Variants in COL11A1 observed in about 807,000 individuals in gnomAD.
COL11A1 encodes collagen type XI alpha 1 chain, also known as collagen alpha-1(XI) chain.
COL11A1 carries 74 observed loss-of-function variants against 265.2 expected under a neutral mutation model. The observed-to-expected ratio is 0.28, with a 90% confidence interval of 0.23 to 0.34. The LOEUF is 0.34. COL11A1 is among the 10% of genes least tolerant of loss of function. COL11A1 has a pLI of 1.00. For synonymous variants in COL11A1, 816 were observed against 727.6 expected (o/e 1.12, Z -1.96); for missense variants, 2,165 against 2,263.6 (o/e 0.96, Z 0.88).
In COL11A1 at chr1:103,006,100, C is replaced by G. The variant is rs747591719; in HGVS notation, c.1759G>C (p.Gly587Arg). 1 of 1,613,932 alleles carries G rather than the reference C, an allele frequency of 6.2e-7. No homozygotes were observed. The highest frequency in any genetic ancestry group is 1.1e-5 in the South Asian group (1 of 91,076). Reference protein sequence around the residue: ...GKRGRPGADGGRGMPGEPGAK... With the variant: ...GKRGRPGADGRRGMPGEPGAK... ...CCAGGTTCTCCTGGCATTCCTCTTC[C>G]TCCATCTGCACCTGGACGACCCTAA... Residue 587 changes from glycine (G) to arginine (R), a missense_variant, in exon 17 of 67, where the codon GGA becomes CGA. Gly to Arg is a moderately radical substitution (Grantham distance 125). Transcript: ENST00000370096.
At chr1:103,015,577 G>T (rs888603962) in intron 12 of COL11A1, 91 bp downstream of exon 12, 30 of 978,066 alleles carry the variant, frequency 3.1e-5, no homozygotes, top group Non-Finnish European at 4.2e-5. Flanking sequence ...ATGGTTTTTA[G>T]TTGATTGCTC....
At chr1:102,997,587 T>C (rs901313737) in intron 25 of COL11A1, among the ~76,000 whole-genome samples, 1 of 151,924 alleles carries the variant, frequency 6.6e-6, no homozygotes, top group South Asian at 2.1e-4. Flanking sequence ...AATCAACTTA[T>C]TGAGATTCAG....
chr1:102,880,121 A>C (rs1226891173), intron 65 of COL11A1: 2 of 552,892 alleles, frequency 3.6e-6, no homozygotes, highest in Non-Finnish European at 6.4e-6. Flanking sequence ...CACCTAAGTT[A>C]CTGTAGCCAC....
At chr1:103,073,655 A>G (rs1324870646) in intron 4 of COL11A1, among the ~76,000 whole-genome samples, 1 of 151,904 alleles carries the variant, frequency 6.6e-6, no homozygotes, top group East Asian at 1.9e-4. Context: ...AACTTTCACA[A>G]ATGTTTATTA....
intron 4 of COL11A1, among the ~76,000 whole-genome samples, chr1:103,044,509 G>A (rs929596769): frequency 6.6e-6 from 1 of 151,918 alleles, no homozygotes; most frequent in Non-Finnish European, 1.5e-5. Flanking sequence ...AAAACACTAT[G>A]AAAAAACTGT....
At chr1:102,949,221 T>C (rs1659628824) in intron 41 of COL11A1, among the ~76,000 whole-genome samples, 1 of 150,214 alleles carries the variant, frequency 6.7e-6, no homozygotes. Context: ...AACACTGATT[T>C]ATTGAGGATC....
chr1:103,042,697 C>T (rs1376741501), intron 4 of COL11A1, among the ~76,000 whole-genome samples: 2 of 152,060 alleles, frequency 1.3e-5, no homozygotes, highest in East Asian at 3.9e-4. Flanking sequence ...TACAGAACTA[C>T]AGCTCCTCAC....
At chr1:102,946,708 A>G (rs569129741) in intron 42 of COL11A1, 141 bp downstream of exon 42, 50 of 712,364 alleles carry the variant, frequency 7.0e-5, no homozygotes, top group Non-Finnish European at 1.0e-4. Flanking sequence ...TCTATTATAC[A>G]TATACGAGCC....
Position 102,967,334 on chromosome 1 carries a change from A to G in COL11A1, c.2863-1794T>C, listed in dbSNP as rs1019497960. 2.1e-4 allele frequency among the ~76,000 whole-genome samples: 27 copies of G among 126,162 alleles called. 1 individual carries two copies. The highest frequency in any genetic ancestry group is 1.1e-3 in the South Asian group (4 of 3,650). 82.8% of individuals were successfully genotyped at this position (126,162 alleles called of 152,430 possible). A position where few individuals can be genotyped will look rare whatever the true frequency, so the allele number is the denominator to read the frequency against. ...CGGCTCACTGCAAGCTCCGCCTCCCAGGTTCACGCCATTCTCCTGCTTCAG... is the reference window on the plus strand; with the variant it reads ...CGGCTCACTGCAAGCTCCGCCTCCCGGGTTCACGCCATTCTCCTGCTTCAG... On this transcript the variant is annotated intron_variant, in intron 37 of 66. Transcript: ENST00000370096.
intron 46 of COL11A1, among the ~76,000 whole-genome samples, chr1:102,923,810 T>C (rs527377757): frequency 6.6e-6 from 1 of 152,196 alleles, no homozygotes; most frequent in East Asian, 1.9e-4. Context: ...AATATTCCAA[T>C]ACATTTCAAA....
At chr1:102,911,015 A>G (rs535274928) in intron 54 of COL11A1, among the ~76,000 whole-genome samples, 113 of 152,304 alleles carry the variant, frequency 7.4e-4, no homozygotes, top group Non-Finnish European at 1.3e-3. Flanking sequence ...GAGCAGCTGG[A>G]CTTACAGCAG....
intron 4 of COL11A1, among the ~76,000 whole-genome samples, chr1:103,037,252 TTGTGTGTGTGTGTG>T (rs10582908): frequency 3.4e-5 from 5 of 145,136 alleles, no homozygotes; most frequent in African/African-American, 5.1e-5. Context: ...TACATTTAGA[TTGTGTGTGTGTGTG>T]TGTGTGTGTG....
rs372122122 is a variant in COL11A1, at chr1:102,915,655, C to T, written c.3792G>A (p.Gly1264=). The change falls in exon 50 of 67, where the codon GGG becomes GGA. Residue 1264 remains glycine, a synonymous_variant. Transcript: ENST00000370096. ...KGEPGEAGNP[G]PPGEAGVGGP... ...CGCCTACACCTGCTTCCCCAGGAGG[C>T]CCTGGGTTCCCTGCTTCTCCAGGTT... is the stretch of plus-strand genomic sequence containing the variant. The T allele has an allele frequency of 2.4e-5, 39 of 1,613,012 alleles. No homozygotes were observed. Among genetic ancestry groups the T allele is most frequent in the Admixed American group, 3.3e-5 (2 of 59,968 alleles).
intron 31 of COL11A1, among the ~76,000 whole-genome samples, chr1:102,983,167 T>C (rs1164601418): frequency 6.6e-6 from 1 of 152,110 alleles, no homozygotes; most frequent in Non-Finnish European, 1.5e-5. Context: ...CAAAGTTTTA[T>C]GATAGGTTTG....
intron 12 of COL11A1, among the ~76,000 whole-genome samples, chr1:103,015,435 C>T (rs1666482720): frequency 6.6e-6 from 1 of 151,934 alleles, no homozygotes. Context: ...TTGTCAAAAA[C>T]TCTGTTGCTA....
intron 1 of COL11A1, chr1:103,100,404 G>T (rs1428991942): frequency 1.6e-4 from 24 of 151,790 alleles, no homozygotes; most frequent in Admixed American, 1.6e-3. Context: ...TTAATCAAAG[G>T]AACAAAACTA....
rs1672534591 is a variant in COL11A1, at chr1:103,082,973, C to G, written c.107-1G>C. ...GCTTTTAGTACATCAACTGGAGCAGCTGAAAAATAAGCAAACAATAAAAAA... is the reference window on the plus strand; with the variant it reads ...GCTTTTAGTACATCAACTGGAGCAGGTGAAAAATAAGCAAACAATAAAAAA... On this transcript the variant is annotated splice_acceptor_variant, in intron 1 of 66. Coordinates refer to ENST00000370096, the MANE Select transcript of COL11A1 (RefSeq NM_001854.4). LOFTEE classifies it high-confidence loss of function. The G allele has an allele frequency of 6.2e-7, 1 of 1,612,050 alleles. No homozygotes were observed. The highest frequency in any genetic ancestry group is 1.3e-5 in the African/African-American group (1 of 74,760).
In COL11A1 at chr1:102,961,880, G is replaced by T; in HGVS notation, c.3154C>A (p.Pro1052Thr). 6.2e-7 allele frequency: 1 copy of T among 1,613,272 alleles called. No homozygotes were observed. Among genetic ancestry groups the T allele is most frequent in the Non-Finnish European group, 8.5e-7 (1 of 1,179,612 alleles). ...GLKGGEGPQG[P>T]PGPVGSPGER... is the part of the protein sequence containing the mutation. ...ATCATACTTACAACTGGACCTGGTG[G>T]GCCCTGGGGACCTTCCCCTCCTTTC... Residue 1052 changes from proline (P) to threonine (T), a missense_variant, in exon 41 of 67, where the codon CCA becomes ACA. By Grantham distance (38) the Pro-to-Thr change is conservative. Coordinates refer to ENST00000370096, the MANE Select transcript of COL11A1 (RefSeq NM_001854.4).
chr1:102,969,820 A>G (rs1211968224), intron 37 of COL11A1, among the ~76,000 whole-genome samples: 1 of 152,280 alleles, frequency 6.6e-6, no homozygotes, highest in East Asian at 1.9e-4. Context: ...TGGTATTATG[A>G]TCATGGCTAT....
Sources: allele counts gnomAD v4.1 joint callset (sites outside exome capture counted in the v4.1 genomes callset), GRCh38; gene constraint gnomAD v4.1.1; transcripts MANE v1.5; gene names NCBI Gene and HGNC (gene_info 2026-07-23, HGNC 2026-07-21).